The following AKT3 variants were observed in gnomAD, a reference collection of about 807,000 sequenced individuals.
The protein encoded by AKT3 is RAC-gamma serine/threonine-protein kinase.
AKT3 carries 15 observed loss-of-function variants against 65.3 expected under a neutral mutation model. The ratio of observed to expected loss-of-function variants is 0.23; its 90% confidence interval spans 0.15 to 0.35. The LOEUF (loss-of-function observed/expected upper bound fraction) is 0.35, where lower values mean the gene tolerates loss of function less well. AKT3 is among the 10% of genes least tolerant of loss of function. The probability of loss-of-function intolerance (pLI) is 1.00; values close to 1 mark genes in which losing one functional copy is unlikely to be tolerated. For synonymous variants in AKT3, 206 were observed against 183.8 expected (o/e 1.12, Z -0.98); for missense variants, 243 against 576.5 (o/e 0.42, Z 5.92).
chr1:243,668,317 T>C (rs1445972579), intron 3 of AKT3, among the ~76,000 whole-genome samples: 1 of 152,082 alleles, frequency 6.6e-6, no homozygotes, highest in East Asian at 1.9e-4. Context: ...AGTAAAGGGG[T>C]AGCTCTAATC....
At chr1:243,617,358 T>C (rs1678408213) in intron 6 of AKT3, among the ~76,000 whole-genome samples, 1 of 151,888 alleles carries the variant, frequency 6.6e-6, no homozygotes, top group African/African-American at 2.4e-5. Flanking sequence ...ATGAAATACA[T>C]AATTAAGCAT....
chr1:243,637,038 T>TC (rs1680026325), intron 6 of AKT3, among the ~76,000 whole-genome samples: 1 of 152,148 alleles, frequency 6.6e-6, no homozygotes, highest in African/African-American at 2.4e-5. Flanking sequence ...AAAGTGTATC[T>TC]CCTGAGGGAA....
At chr1:243,830,519 T>C (rs964657870) in intron 2 of AKT3, among the ~76,000 whole-genome samples, 3 of 152,100 alleles carry the variant, frequency 2.0e-5, no homozygotes, top group East Asian at 1.9e-4. Flanking sequence ...CGAAGGCCTA[T>C]AAACTGGAAA....
At chr1:243,818,608 A>G (rs1693670965) in intron 2 of AKT3, among the ~76,000 whole-genome samples, 1 of 152,222 alleles carries the variant, frequency 6.6e-6, no homozygotes, top group Non-Finnish European at 1.5e-5. Flanking sequence ...AAAACTTAAC[A>G]TAAAGTTTAC....
At chr1:243,547,645 G>A (rs1487961776) in intron 11 of AKT3, among the ~76,000 whole-genome samples, 1 of 152,104 alleles carries the variant, frequency 6.6e-6, no homozygotes, top group African/African-American at 2.4e-5. Context: ...CCATCATAAA[G>A]TCAAAAAATT....
At chr1:243,702,523 T>C (rs1439668746) in intron 2 of AKT3, among the ~76,000 whole-genome samples, 1 of 152,202 alleles carries the variant, frequency 6.6e-6, no homozygotes, top group Non-Finnish European at 1.5e-5. Context: ...ACCTGACATA[T>C]TTCAAGTATT....
At chr1:243,689,463 A>G (rs1324946892) in intron 3 of AKT3, among the ~76,000 whole-genome samples, 4 of 149,640 alleles carry the variant, frequency 2.7e-5, no homozygotes, top group Non-Finnish European at 4.4e-5. Context: ...AAATCTCTGT[A>G]TATAATATTT....
intron 13 of AKT3, among the ~76,000 whole-genome samples, chr1:243,508,564 G>T (rs1669813994): frequency 6.6e-6 from 1 of 151,684 alleles, no homozygotes; most frequent in South Asian, 2.1e-4. Flanking sequence ...GTCAGAAACA[G>T]ATGACATTGC....
intron 12 of AKT3, among the ~76,000 whole-genome samples, chr1:243,543,909 G>A (rs1181522000): frequency 6.6e-6 from 1 of 152,076 alleles, no homozygotes; most frequent in Non-Finnish European, 1.5e-5. Flanking sequence ...CATACTCCCA[G>A]TAACCAATAA....
At chr1:243,496,508 CCAAA>C (rs768180509), downstream of AKT3, among the ~76,000 whole-genome samples, 4 of 152,222 alleles carry the variant, frequency 2.6e-5, no homozygotes, top group South Asian at 2.1e-4. Context: ...TTTGACTTGG[CCAAA>C]CAGAGACAGC....
At chr1:243,773,806 A>G (rs1690361854) in intron 2 of AKT3, among the ~76,000 whole-genome samples, 1 of 152,326 alleles carries the variant, frequency 6.6e-6, no homozygotes, top group East Asian at 1.9e-4. Context: ...AGCAGACTCA[A>G]AAAGTTCTCT....
intron 3 of AKT3, among the ~76,000 whole-genome samples, chr1:243,683,632 C>A (rs1572164640): frequency 6.6e-6 from 1 of 151,872 alleles, no homozygotes; most frequent in South Asian, 2.1e-4. Context: ...TGATTGCTGA[C>A]CTTCGAAAAA....
intron 4 of AKT3, among the ~76,000 whole-genome samples, chr1:243,660,321 G>A (rs552490455): frequency 2.6e-5 from 4 of 152,242 alleles, no homozygotes; most frequent in African/African-American, 9.6e-5. Flanking sequence ...GGGATCTGTG[G>A]TGATATCGAA....
At chr1:243,574,358 G>C (rs758549011) in intron 8 of AKT3, among the ~76,000 whole-genome samples, 16 of 144,570 alleles carry the variant, frequency 1.1e-4, no homozygotes, top group Non-Finnish European at 2.3e-4. Context: ...GCCCCAAAAA[G>C]TGTAGCACAA....
Position 243,500,229 on chromosome 1 carries a change from T to TATC in AKT3, c.*5017_*5019dup, listed in dbSNP as rs1558565749. 4.0e-6 allele frequency: 1 copy of TATC among 252,224 alleles called. No individual in the cohort carries two copies. The highest frequency in any genetic ancestry group is 2.2e-5 in the African/African-American group (1 of 45,678). The allele number at this position is 252,224 out of a possible 1,614,324, so 15.6% of individuals were successfully genotyped here. On this transcript the variant is annotated 3_prime_UTR_variant, in exon 14 of 14. Transcript: ENST00000673466. ...TTCATTTTTCTTTTCATGATCTATA[T>TATC]ATCAATCATCCTTCACCTTTAATCA...
In AKT3 at chr1:243,517,181, G is replaced by A. The variant is rs7525739; in HGVS notation, c.1252-4755C>T. ...ATTTCATTTCCTTCAAAGAGAAAAT[G>A]TTTTACAGTACTTAAATCCTTTAAA... On this transcript the variant is annotated intron_variant, in intron 12 of 13. Coordinates refer to ENST00000673466, the MANE Select transcript of AKT3 (RefSeq NM_005465.7). Among the ~76,000 whole-genome samples, 1,495 of 152,142 alleles carry A rather than the reference G, an allele frequency of 9.8e-3. 27 individuals are homozygous for A. The highest frequency in any genetic ancestry group is 0.035 in the African/African-American group (1,446 of 41,518).
intron 12 of AKT3, among the ~76,000 whole-genome samples, chr1:243,518,079 C>T (rs187970763): frequency 2.9e-4 from 44 of 152,254 alleles, no homozygotes; most frequent in African/African-American, 8.7e-4. Flanking sequence ...AGAACTGGAG[C>T]GGCAAAAACC....
chr1:243,592,077 T>G (rs907073258), intron 8 of AKT3, among the ~76,000 whole-genome samples: 4 of 152,140 alleles, frequency 2.6e-5, no homozygotes, highest in African/African-American at 9.7e-5. Flanking sequence ...AGCTCACACG[T>G]GTAATCCCAG....
chr1:243,769,999 A>G (rs1054414984), intron 2 of AKT3, among the ~76,000 whole-genome samples: 15 of 152,196 alleles, frequency 9.9e-5, no homozygotes, highest in African/African-American at 3.6e-4. Context: ...GTGTGAGGTA[A>G]GGAGTCCAAA....
Sources: allele counts gnomAD v4.1 joint callset (sites outside exome capture counted in the v4.1 genomes callset), GRCh38; gene constraint gnomAD v4.1.1; transcripts MANE v1.5; gene names NCBI Gene and HGNC (gene_info 2026-07-23, HGNC 2026-07-21).